The following AOPEP variants were observed in gnomAD, a reference collection of about 807,000 sequenced individuals.
AOPEP encodes aminopeptidase O.
A neutral mutation model predicts 98.1 loss-of-function variants in AOPEP; 77 were observed. The ratio of observed to expected loss-of-function variants is 0.78; its 90% CI spans 0.65 to 0.95. AOPEP has a LOEUF of 0.95. Among genes scored for constraint, AOPEP ranks in the 40% least tolerant of loss-of-function variants. AOPEP has a pLI of 0.00. For missense variants in AOPEP, 1,024 were observed against 1,024.7 expected (o/e 1.00, Z 0.01); for synonymous variants, 346 against 365.3 (o/e 0.95, Z 0.60).
intron 5 of AOPEP, among the ~76,000 whole-genome samples, chr9:94,903,216 C>T (rs2050658527): frequency 6.6e-6 from 1 of 151,808 alleles, no homozygotes; most frequent in South Asian, 2.1e-4. Flanking sequence ...TTCCTGACCT[C>T]AAGTCATCCA....
intron 13 of AOPEP, among the ~76,000 whole-genome samples, chr9:95,018,478 G>A (rs1198773849): frequency 3.3e-5 from 5 of 152,180 alleles, no homozygotes; most frequent in Non-Finnish European, 5.9e-5. Context: ...TGTCTCACCC[G>A]AGATTCCCAA....
At chr9:94,866,504 A>C (rs918683255) in intron 5 of AOPEP, among the ~76,000 whole-genome samples, 1 of 152,194 alleles carries the variant, frequency 6.6e-6, no homozygotes, top group African/African-American at 2.4e-5. Context: ...TAATCATAAT[A>C]ATGTTTTTAA....
At chr9:95,101,661 C>A in the AOPEP span, 10 of 1,610,252 alleles carry the variant, frequency 6.2e-6, no homozygotes, top group Non-Finnish European at 7.6e-6. Flanking sequence ...GTGGCCCTGG[C>A]GAGCCTGATC....
chr9:94,806,647 C>T (rs140526438), intron 5 of AOPEP, among the ~76,000 whole-genome samples: 7 of 152,290 alleles, frequency 4.6e-5, no homozygotes, highest in Admixed American at 2.0e-4. Flanking sequence ...ACTTTATTTG[C>T]GTCCTATGTT....
At chr9:94,811,216 T>C (rs1168422128) in intron 5 of AOPEP, among the ~76,000 whole-genome samples, 5 of 152,192 alleles carry the variant, frequency 3.3e-5, no homozygotes, top group Non-Finnish European at 7.3e-5. Context: ...CAGGTGGTGT[T>C]GTTTTGACCT....
chr9:94,777,836 C>T (rs1842494558), intron 3 of AOPEP, among the ~76,000 whole-genome samples: 1 of 151,856 alleles, frequency 6.6e-6, no homozygotes, highest in Non-Finnish European at 1.5e-5. Context: ...GTTTACCAGG[C>T]TGGTCTTGAA....
At chr9:94,744,259 G>T (rs1233646937) in intron 1 of AOPEP, among the ~76,000 whole-genome samples, 2 of 152,070 alleles carry the variant, frequency 1.3e-5, no homozygotes, top group East Asian at 1.9e-4. Context: ...GGGTGTGGTG[G>T]CAGGCGCCTG....
chr9:94,869,279 T>C (rs970551160), intron 5 of AOPEP, among the ~76,000 whole-genome samples: 1 of 152,192 alleles, frequency 6.6e-6, no homozygotes, highest in African/African-American at 2.4e-5. Context: ...GCTGTATGTT[T>C]TAAAAATTTG....
At chr9:95,099,055 T>G in the AOPEP span, 1 of 184,756 alleles carries the variant, frequency 5.4e-6, no homozygotes, top group South Asian at 2.0e-4. Flanking sequence ...GATACAACAT[T>G]AGGTGCAAAC....
intron 13 of AOPEP, among the ~76,000 whole-genome samples, chr9:95,030,148 T>G (rs553255700): frequency 1.8e-4 from 27 of 152,322 alleles, no homozygotes; most frequent in Non-Finnish European, 2.9e-4. Context: ...TACAGAAAAT[T>G]CTGAAAATAT....
At chr9:95,097,352 G>T in the AOPEP span, among the ~76,000 whole-genome samples, 1 of 152,196 alleles carries the variant, frequency 6.6e-6, no homozygotes, top group Non-Finnish European at 1.5e-5. Context: ...GGTATCCAAG[G>T]TACCCAATAA....
chr9:94,784,703 C>A (rs1005690024), intron 3 of AOPEP, among the ~76,000 whole-genome samples: 1 of 152,202 alleles, frequency 6.6e-6, no homozygotes, highest in Admixed American at 6.5e-5. Context: ...GCAACCTCTG[C>A]CTCTTGGGTT....
At chr9:95,126,433 T>C in the AOPEP span, 1 of 1,209,644 alleles carries the variant, frequency 8.3e-7, no homozygotes, top group Non-Finnish European at 1.2e-6. Context: ...AATTTCCCCA[T>C]GATACAGCCA....
At chr9:94,756,134 C>A (rs1304689467) in intron 1 of AOPEP, among the ~76,000 whole-genome samples, 1 of 151,974 alleles carries the variant, frequency 6.6e-6, no homozygotes, top group Non-Finnish European at 1.5e-5. Context: ...GTGGCGGGCA[C>A]CTGTAGTCCC....
chr9:94,834,672 A>G (rs2041333321), intron 5 of AOPEP, among the ~76,000 whole-genome samples: 1 of 152,164 alleles, frequency 6.6e-6, no homozygotes, highest in South Asian at 2.1e-4. Context: ...GTGCACCTGT[A>G]GTCCCAGCTA....
intron 6 of AOPEP, among the ~76,000 whole-genome samples, chr9:94,925,614 T>C (rs2054204955): frequency 6.6e-6 from 1 of 152,248 alleles, no homozygotes; most frequent in Non-Finnish European, 1.5e-5. Flanking sequence ...TCCTCACACC[T>C]GGACTATACC....
chr9:94,934,334 T>TTTTTTTA (rs1156808051), intron 7 of AOPEP, among the ~76,000 whole-genome samples: 1 of 147,852 alleles, frequency 6.8e-6, no homozygotes, highest in African/African-American at 2.5e-5. Flanking sequence ...TTTTTTTTTT[T>TTTTTTTA]GAGACAGAGT....
chr9:95,116,684 C>G, the AOPEP span, among the ~76,000 whole-genome samples: 2 of 152,320 alleles, frequency 1.3e-5, no homozygotes, highest in South Asian at 4.1e-4. Flanking sequence ...TTCTCTATTT[C>G]CGAAATGTCT....
chr9:95,125,609 A>C, the AOPEP span, among the ~76,000 whole-genome samples: 1 of 152,222 alleles, frequency 6.6e-6, no homozygotes, highest in African/African-American at 2.4e-5. Flanking sequence ...TTTCGCTTCC[A>C]TGCATTATTG....
Sources: allele counts gnomAD v4.1 joint callset (sites outside exome capture counted in the v4.1 genomes callset), GRCh38; gene constraint gnomAD v4.1.1; transcripts MANE v1.5; gene names NCBI Gene and HGNC (gene_info 2026-07-23, HGNC 2026-07-21).